Variants in TRPC1 observed in about 807,000 individuals in gnomAD.
TRPC1 encodes transient receptor potential cation channel subfamily C member 1, also known as short transient receptor potential channel 1.
In TRPC1, 42 loss-of-function variants were observed where a neutral mutation model predicts 88.2. The observed-to-expected ratio is 0.48, with a 90% CI of 0.37 to 0.62. TRPC1 has a LOEUF of 0.62. Among genes scored for constraint, TRPC1 ranks in the 20% least tolerant of loss-of-function variants. The pLI is 0.00. For missense variants in TRPC1, 699 were observed against 957.3 expected, an observed-to-expected ratio of 0.73 and a Z score of 3.56; for synonymous variants, 288 against 331.8, an observed-to-expected ratio of 0.87 and a Z score of 1.43.
chr3:142,759,730 T>A (rs1935114367), intron 4 of TRPC1, among the ~76,000 whole-genome samples: 1 of 152,202 alleles, frequency 6.6e-6, no homozygotes, highest in African/African-American at 2.4e-5. Context: ...TGCCGTTGCT[T>A]TTGGTGTTTT....
intron 4 of TRPC1, among the ~76,000 whole-genome samples, chr3:142,764,667 T>G (rs1393183206): frequency 1.3e-5 from 2 of 152,160 alleles, no homozygotes; most frequent in East Asian, 3.9e-4. Context: ...GTTATTTGCT[T>G]CTTTTCTGTA....
chr3:142,805,881 G>A, intron 12 of TRPC1, 127 bp from the exon 13 acceptor site: 1 of 728,334 alleles, frequency 1.4e-6, no homozygotes. Flanking sequence ...ATTATACCAT[G>A]TAGTAGAAAA....
At chr3:142,802,912 T>C (rs947527078) in intron 10 of TRPC1, among the ~76,000 whole-genome samples, 3 of 152,210 alleles carry the variant, frequency 2.0e-5, no homozygotes, top group Non-Finnish European at 2.9e-5. Context: ...CATGTTCTTA[T>C]TATGTGTCAA....
At chr3:142,789,013 G>A (rs1257835011) in intron 7 of TRPC1, among the ~76,000 whole-genome samples, 1 of 151,946 alleles carries the variant, frequency 6.6e-6, no homozygotes, top group Non-Finnish European at 1.5e-5. Flanking sequence ...GTTTCTTTTA[G>A]GTAAAATATT....
intron 1 of TRPC1, among the ~76,000 whole-genome samples, chr3:142,735,489 C>T (rs1934094809): frequency 6.6e-6 from 1 of 152,154 alleles, no homozygotes; most frequent in Admixed American, 6.5e-5. Context: ...CAAAACCCAC[C>T]TTGGCTTTTT....
intron 3 of TRPC1, among the ~76,000 whole-genome samples, chr3:142,746,367 A>G (rs866331167): frequency 6.2e-4 from 94 of 152,292 alleles, no homozygotes; most frequent in African/African-American, 1.9e-3. Context: ...AGTATGTTTC[A>G]TAAGAAACAT....
chr3:142,796,929 T>C (rs76687232), intron 9 of TRPC1, among the ~76,000 whole-genome samples: 2,437 of 152,186 alleles, frequency 0.016, 66 homozygotes, highest in African/African-American at 0.056. Flanking sequence ...ATCCAAAATC[T>C]ATCCAAAGAG....
chr3:142,724,391 G>T lies in TRPC1; in HGVS notation c.-169G>T. ...GGCTGTCAGTGGAGGGCGAGTGCTG[G>T]TTCTCAGGGGAGGCGACGCCCTTCG... On this transcript the variant is annotated 5_prime_UTR_variant, in exon 1 of 13. Coordinates refer to ENST00000476941, the MANE Select transcript of TRPC1 (RefSeq NM_001251845.2). The surrounding 1 kb of genome is among the most constrained non-coding windows in gnomAD (Gnocchi z 5.6). 1 of 544,304 alleles carries T rather than the reference G, an allele frequency of 1.8e-6. No homozygotes were observed. The highest frequency in any genetic ancestry group is 3.0e-6 in the Non-Finnish European group (1 of 333,062). The allele number at this position is 544,304 out of a possible 1,614,324, so 33.7% of individuals were successfully genotyped here.
chr3:142,784,890 C>T lies in TRPC1; in HGVS notation c.1147C>T (p.Pro383Ser). The T allele has an allele frequency of 6.2e-7, 1 of 1,614,040 alleles. No individual in the cohort carries two copies. The highest frequency in any genetic ancestry group is 8.5e-7 in the Non-Finnish European group (1 of 1,179,986). Residue 383 changes from proline (P) to serine (S), a missense_variant, in exon 7 of 13, where the codon CCT becomes TCT. By Grantham distance (74) the Pro-to-Ser change is moderately conservative. This residue lies in a region of TRPC1 where 426 missense variants were observed against 641.3 expected (regional missense o/e 0.66). Coordinates refer to ENST00000476941, the MANE Select transcript of TRPC1 (RefSeq NM_001251845.2). The stretch of plus-strand genomic sequence containing the variant: ...TCAGTTTGGCAGAATCATTCACACA[C>T]CTTTTATGAAATTTATCATTCATGG... The part of the protein sequence containing the change: ...KSQFGRIIHT[P>S]FMKFIIHGAS...
intron 7 of TRPC1, among the ~76,000 whole-genome samples, chr3:142,789,273 G>A (rs1425922365): frequency 3.3e-5 from 5 of 152,198 alleles, no homozygotes; most frequent in Admixed American, 6.5e-5. Context: ...GGTTGAACAT[G>A]AGAAATATCA....
rs534707823 is a variant in TRPC1 at position 142,772,681 on chromosome 3, A to C, written c.633-4951A>C. The stretch of plus-strand genomic sequence containing the variant: ...GCACACCTGTAGTCCCAGCTACTCA[A>C]GAGGCTGAGGCAGGAGAATCGCTTG... On this transcript the variant is annotated intron_variant, in intron 4 of 12. Transcript: ENST00000476941. Among the ~76,000 whole-genome samples, 5 of 152,158 alleles carry C rather than the reference A, an allele frequency of 3.3e-5. No individual in the cohort carries two copies. In the East Asian group the frequency reaches 9.7e-4, roughly 29 times the overall value.
At chr3:142,794,703 A>G (rs1936400568) in intron 9 of TRPC1, among the ~76,000 whole-genome samples, 1 of 152,112 alleles carries the variant, frequency 6.6e-6, no homozygotes. Context: ...ACTGATTAGC[A>G]TATGCATGTG....
At chr3:142,750,319 C>T (rs1201007099) in intron 4 of TRPC1, among the ~76,000 whole-genome samples, 6 of 152,176 alleles carry the variant, frequency 3.9e-5, no homozygotes, top group African/African-American at 1.4e-4. Context: ...AAAAAAAGCT[C>T]ATAATCACTG....
rs1294889252 is a variant in TRPC1 at position 142,767,187 on chromosome 3, T to C, written c.633-10445T>C. Among the ~76,000 whole-genome samples, 1 of 152,202 alleles carries C rather than the reference T, an allele frequency of 6.6e-6. No homozygotes were observed. Among genetic ancestry groups the C allele is most frequent in the Non-Finnish European group, 1.5e-5 (1 of 68,032 alleles). The stretch of plus-strand genomic sequence containing the variant: ...CTTCTTTATTTTTACTGTTTATTCC[T>C]AAGTATTTTATACTTTTTGATACTA... On this transcript the variant is annotated intron_variant, in intron 4 of 12. Coordinates refer to ENST00000476941, the MANE Select transcript of TRPC1 (RefSeq NM_001251845.2). The surrounding 1 kb of genome is among the most constrained non-coding windows in gnomAD (Gnocchi z 5.1).
intron 3 of TRPC1, among the ~76,000 whole-genome samples, chr3:142,744,803 T>G (rs1934483815): frequency 6.6e-6 from 1 of 152,166 alleles, no homozygotes; most frequent in Non-Finnish European, 1.5e-5. Context: ...CACTACTAAA[T>G]AAATGCTAAT....
chr3:142,795,555 A>G (rs1417978174), intron 9 of TRPC1, among the ~76,000 whole-genome samples: 1 of 151,004 alleles, frequency 6.6e-6, no homozygotes, highest in Admixed American at 6.6e-5. Context: ...GAGGCAGTGG[A>G]GTGACATTTG....
chr3:142,795,138 A>G (rs776118023), intron 9 of TRPC1, among the ~76,000 whole-genome samples: 2 of 152,102 alleles, frequency 1.3e-5, no homozygotes, highest in Non-Finnish European at 2.9e-5. Flanking sequence ...GTAAACTCGA[A>G]TAGGTAACAA....
intron 4 of TRPC1, among the ~76,000 whole-genome samples, chr3:142,754,554 CAA>C (rs1050297773): frequency 1.3e-5 from 2 of 152,012 alleles, no homozygotes; most frequent in African/African-American, 4.8e-5. Flanking sequence ...AAATAAAAAA[CAA>C]AAATTTAATT....
At chr3:142,751,383 C>A (rs972070505) in intron 4 of TRPC1, among the ~76,000 whole-genome samples, 1 of 152,128 alleles carries the variant, frequency 6.6e-6, no homozygotes, top group East Asian at 1.9e-4. Flanking sequence ...CAGTTACCTA[C>A]GGTATTTAGC....
Sources: allele counts gnomAD v4.1 joint callset (sites outside exome capture counted in the v4.1 genomes callset), GRCh38; gene constraint gnomAD v4.1.1; regional missense constraint gnomAD v4.1.1; non-coding constraint Gnocchi (gnomAD v3.1); transcripts MANE v1.5; gene names NCBI Gene and HGNC (gene_info 2026-07-23, HGNC 2026-07-21).